IMMP2L: variants seen among roughly 807,000 people sequenced by gnomAD.
The protein encoded by IMMP2L is mitochondrial inner membrane protease subunit 2.
IMMP2L carries 18 observed loss-of-function variants against 19.3 expected under a neutral mutation model. That is an observed-to-expected ratio of 0.93 (90% CI 0.64 to 1.38). The LOEUF is 1.38. Among genes scored for constraint, IMMP2L ranks in the 40% most tolerant of loss-of-function variants. The pLI is 0.00. For missense variants in IMMP2L, 233 were observed against 218.2 expected (o/e 1.07, Z -0.43); for synonymous variants, 76 against 73.0 (o/e 1.04, Z -0.21).
intron 5 of IMMP2L, among the ~76,000 whole-genome samples, chr7:110,876,604 G>A (rs1375994442): frequency 6.6e-6 from 1 of 152,074 alleles, no homozygotes; most frequent in African/African-American, 2.4e-5. Flanking sequence ...GAGTTAATAC[G>A]AGGGAGCAGA....
intron 3 of IMMP2L, among the ~76,000 whole-genome samples, chr7:111,013,326 AAGGC>A (rs1469169707): frequency 1.3e-5 from 2 of 152,188 alleles, no homozygotes; most frequent in Non-Finnish European, 2.9e-5. Flanking sequence ...GAGGCAAGTC[AAGGC>A]AGGCAGGCTG....
chr7:110,971,426 G>C (rs531509347), intron 3 of IMMP2L, among the ~76,000 whole-genome samples: 2 of 152,214 alleles, frequency 1.3e-5, no homozygotes, highest in East Asian at 1.9e-4. Context: ...ATTGGGGATT[G>C]TTAGTAAAGG....
intron 3 of IMMP2L, among the ~76,000 whole-genome samples, chr7:111,267,831 C>A (rs1256993039): frequency 6.6e-6 from 1 of 151,962 alleles, no homozygotes; most frequent in Non-Finnish European, 1.5e-5. Flanking sequence ...AAATGTGGAA[C>A]AATGATCATT....
chr7:110,959,582 G>C (rs1228443312), intron 4 of IMMP2L, among the ~76,000 whole-genome samples: 1 of 151,748 alleles, frequency 6.6e-6, no homozygotes, highest in East Asian at 1.9e-4. Flanking sequence ...AGTTTCAAAG[G>C]GAAAGAAGTT....
chr7:111,150,921 G>A (rs945884075), intron 3 of IMMP2L, among the ~76,000 whole-genome samples: 16 of 152,222 alleles, frequency 1.1e-4, no homozygotes, highest in Admixed American at 7.8e-4. Context: ...CATTCCTGAT[G>A]CCTGGAGAGA....
At chr7:110,723,883 T>C (rs1409791014) in intron 5 of IMMP2L, among the ~76,000 whole-genome samples, 2 of 150,264 alleles carry the variant, frequency 1.3e-5, no homozygotes, top group African/African-American at 4.9e-5. Flanking sequence ...AGAACAGATG[T>C]CTCGGAACAG....
intron 5 of IMMP2L, among the ~76,000 whole-genome samples, chr7:110,683,641 T>C (rs6978347): frequency 0.22 from 33,123 of 152,070 alleles, 4,282 homozygotes; most frequent in African/African-American, 0.35. Context: ...AATCATCTTG[T>C]TAATAAAGCA....
At chr7:111,341,497 A>G (rs758661979) in intron 3 of IMMP2L, among the ~76,000 whole-genome samples, 5 of 152,180 alleles carry the variant, frequency 3.3e-5, no homozygotes, top group African/African-American at 1.2e-4. Flanking sequence ...CAGTCTTAAC[A>G]CACCTAAACA....
intron 3 of IMMP2L, among the ~76,000 whole-genome samples, chr7:111,250,411 A>G (rs921212233): frequency 3.3e-5 from 5 of 152,182 alleles, no homozygotes; most frequent in Non-Finnish European, 7.3e-5. Flanking sequence ...CTATTTTAAA[A>G]TTCATATGAA....
chr7:110,783,330 G>A (rs1799866767), intron 5 of IMMP2L, among the ~76,000 whole-genome samples: 1 of 151,662 alleles, frequency 6.6e-6, no homozygotes, highest in African/African-American at 2.4e-5. Flanking sequence ...ATTACAATGA[G>A]GAAACTAAAG....
intron 3 of IMMP2L, among the ~76,000 whole-genome samples, chr7:111,466,017 C>T (rs1399941221): frequency 6.6e-6 from 1 of 152,088 alleles, no homozygotes; most frequent in African/African-American, 2.4e-5. Context: ...AGGTCATGTC[C>T]TTTGTAGGGA....
In IMMP2L at chr7:111,325,424, A is replaced by T. The variant is rs938157562; in HGVS notation, c.239+161814T>A. Among the ~76,000 whole-genome samples, 6 of 151,698 alleles carry T rather than the reference A, an allele frequency of 4.0e-5. No individual in the cohort carries two copies. In the East Asian group the frequency reaches 1.2e-3, roughly 29 times the overall value. On this transcript the variant is annotated intron_variant, in intron 3 of 5. Transcript: ENST00000405709. ...GCGCGCAAAATAAATATAATGTTTTAATTCCATTTTTTCCACTTAATATAG... is the reference window on the plus strand; with the variant it reads ...GCGCGCAAAATAAATATAATGTTTTTATTCCATTTTTTCCACTTAATATAG...
At chr7:111,368,178 AGGTGTATT>A (rs1305457167) in intron 3 of IMMP2L, among the ~76,000 whole-genome samples, 1 of 151,832 alleles carries the variant, frequency 6.6e-6, no homozygotes, top group Non-Finnish European at 1.5e-5. Context: ...TAGAATTATC[AGGTGTATT>A]AAGTGGATAT....
rs1334545841 is a variant in IMMP2L, at chr7:110,664,334, C to T, written c.409-613G>A. 2.0e-5 allele frequency among the ~76,000 whole-genome samples: 3 copies of T among 151,608 alleles called. No homozygotes were observed. In the Admixed American group the frequency reaches 2.0e-4, roughly 10 times the overall value. Reference sequence around the variant, plus strand: ...GTGGGCTGTCTCCATGGAGAGTACACTGAGTAACACGGATCTAGTACTCAT... The same window carrying T: ...GTGGGCTGTCTCCATGGAGAGTACATTGAGTAACACGGATCTAGTACTCAT... On this transcript the variant is annotated intron_variant, in intron 5 of 5. Coordinates refer to ENST00000405709, the MANE Select transcript of IMMP2L (RefSeq NM_032549.4).
intron 3 of IMMP2L, among the ~76,000 whole-genome samples, chr7:111,403,825 A>G (rs1227789736): frequency 6.6e-6 from 1 of 152,142 alleles, no homozygotes; most frequent in Non-Finnish European, 1.5e-5. Context: ...TGATTACATG[A>G]TAGCTTGAAT....
chr7:110,976,509 T>C (rs1056528700), intron 3 of IMMP2L, among the ~76,000 whole-genome samples: 8 of 152,098 alleles, frequency 5.3e-5, no homozygotes, highest in Admixed American at 5.2e-4. Flanking sequence ...AGTATGAGTT[T>C]CTTATAATCT....
At chr7:111,480,376 G>A (rs1037637246) in intron 3 of IMMP2L, among the ~76,000 whole-genome samples, 9 of 151,742 alleles carry the variant, frequency 5.9e-5, no homozygotes, top group Non-Finnish European at 1.2e-4. Context: ...CACTGTTCCC[G>A]GCCAAGGATA....
chr7:111,106,868 G>A (rs1798607024), intron 3 of IMMP2L, among the ~76,000 whole-genome samples: 2 of 151,536 alleles, frequency 1.3e-5, no homozygotes, highest in Admixed American at 6.6e-5. Context: ...GGAGAAATGT[G>A]TGCTTTGTTT....
chr7:110,902,397 A>T lies in IMMP2L; in HGVS notation c.306-15702T>A, dbSNP rs950614008. ...TTAACTAATGGTCCATACTCCTTTAAAAAAAAAAGATTAATTCTGATTGGG... is the reference window on the plus strand; with the variant it reads ...TTAACTAATGGTCCATACTCCTTTATAAAAAAAAGATTAATTCTGATTGGG... On this transcript the variant is annotated intron_variant, in intron 4 of 5. Coordinates refer to ENST00000405709, the MANE Select transcript of IMMP2L (RefSeq NM_032549.4). Among the ~76,000 whole-genome samples the T allele has an allele frequency of 9.3e-5, 4 of 43,112 alleles. 1 individual carries two copies. Among genetic ancestry groups the T allele is most frequent in the East Asian group, 4.1e-3 (1 of 244 alleles). 28.3% of individuals were successfully genotyped at this position (43,112 alleles called of 152,430 possible).
Sources: allele counts gnomAD v4.1 joint callset (sites outside exome capture counted in the v4.1 genomes callset), GRCh38; gene constraint gnomAD v4.1.1; transcripts MANE v1.5; gene names NCBI Gene and HGNC (gene_info 2026-07-23, HGNC 2026-07-21).